Variants in CDH8 observed in about 807,000 individuals in gnomAD.
CDH8 encodes cadherin-8.
A neutral mutation model predicts 68.1 loss-of-function variants in CDH8; 17 were observed. That is an observed-to-expected ratio of 0.25 (90% CI 0.17 to 0.37). The LOEUF is 0.37. CDH8 is among the 10% of genes least tolerant of loss of function. The pLI, the probability that CDH8 is intolerant of heterozygous loss-of-function variation, is 1.00. For synonymous variants in CDH8, 372 were observed against 365.1 expected, an observed-to-expected ratio of 1.02 and a Z score of -0.21; for missense variants, 763 against 999.3, an observed-to-expected ratio of 0.76 and a Z score of 3.19.
At chr16:61,753,156 C>T (rs1364569212) in intron 8 of CDH8, among the ~76,000 whole-genome samples, 1 of 151,818 alleles carries the variant, frequency 6.6e-6, no homozygotes, top group Admixed American at 6.6e-5. Flanking sequence ...ATGAGAAAAA[C>T]ATTCATAGTA....
At chr16:61,736,234 T>A (rs752238865) in intron 8 of CDH8, among the ~76,000 whole-genome samples, 1 of 152,168 alleles carries the variant, frequency 6.6e-6, no homozygotes, top group Non-Finnish European at 1.5e-5. Context: ...CCAGAGACCA[T>A]GCCATCACCA....
intron 2 of CDH8, among the ~76,000 whole-genome samples, chr16:61,915,892 G>A (rs555872490): frequency 4.6e-5 from 7 of 152,240 alleles, no homozygotes; most frequent in Non-Finnish European, 1.5e-5. Context: ...AGGGGGTGGG[G>A]CATTTGCAGA....
chr16:61,793,432 C>T (rs1428604763), intron 7 of CDH8, among the ~76,000 whole-genome samples: 2 of 151,734 alleles, frequency 1.3e-5, no homozygotes, highest in East Asian at 1.9e-4. Flanking sequence ...CTCTAGCAGG[C>T]CCCAGTGTTC....
chr16:61,951,646 A>G (rs1197879467), intron 2 of CDH8, among the ~76,000 whole-genome samples: 1 of 151,992 alleles, frequency 6.6e-6, no homozygotes, highest in East Asian at 1.9e-4. Context: ...TTTTTTACAT[A>G]TTGCAATGGA....
chr16:61,812,112 T>C (rs566387757), intron 7 of CDH8, among the ~76,000 whole-genome samples: 1 of 152,096 alleles, frequency 6.6e-6, no homozygotes, highest in African/African-American at 2.4e-5. Flanking sequence ...CTTACAGAAA[T>C]TGAGAGTTAT....
At chr16:61,904,009 AG>A (rs1391578723) in intron 2 of CDH8, among the ~76,000 whole-genome samples, 1 of 152,148 alleles carries the variant, frequency 6.6e-6, no homozygotes, top group Non-Finnish European at 1.5e-5. Context: ...TTTCACTTTT[AG>A]CTTATCCAAG....
rs558766243 is a variant in CDH8 at position 61,749,013 on chromosome 16, A to C, written c.1415-21798T>G. 2.0e-5 allele frequency among the ~76,000 whole-genome samples: 3 copies of C among 152,214 alleles called. 1 individual carries two copies. The East Asian group carries it at 5.8e-4, about 29-fold the overall frequency. ...TCTAATACTCTTCTCTGAAGGTAAC[A>C]AATGAGCTTACTGAATACTGGCTCT... On this transcript the variant is annotated intron_variant, in intron 8 of 11. Coordinates refer to ENST00000577390, the MANE Select transcript of CDH8 (RefSeq NM_001796.5).
intron 8 of CDH8, 130 bp from the exon 9 acceptor site, chr16:61,727,345 T>TCC (rs1959404494): frequency 1.1e-6 from 1 of 915,392 alleles, no homozygotes; most frequent in Non-Finnish European, 1.7e-6. Flanking sequence ...ATGGTGATTA[T>TCC]AGAGTCTGAC....
intron 2 of CDH8, among the ~76,000 whole-genome samples, chr16:61,928,999 C>T (rs1357501645): frequency 6.6e-6 from 1 of 151,844 alleles, no homozygotes; most frequent in Admixed American, 6.6e-5. Flanking sequence ...AACTCTGCCT[C>T]CCGGGTTCAC....
intron 2 of CDH8, among the ~76,000 whole-genome samples, chr16:61,961,238 C>T (rs1965149120): frequency 1.3e-5 from 2 of 152,080 alleles, no homozygotes; most frequent in South Asian, 2.1e-4. Context: ...TCGCTTGAAC[C>T]CGGGAGGCAG....
chr16:61,782,727 T>G (rs537966544), intron 8 of CDH8, among the ~76,000 whole-genome samples: 1 of 151,908 alleles, frequency 6.6e-6, no homozygotes, highest in South Asian at 2.1e-4. Context: ...TCTCCCAGCA[T>G]GCAGCTGGAG....
chr16:61,863,569 C>T (rs191503404), intron 3 of CDH8, among the ~76,000 whole-genome samples: 4 of 152,136 alleles, frequency 2.6e-5, no homozygotes, highest in South Asian at 2.1e-4. Context: ...ATCAGGAAAA[C>T]GACAGTTTGG....
intron 2 of CDH8, among the ~76,000 whole-genome samples, chr16:62,010,982 C>A (rs1901796269): frequency 6.6e-6 from 1 of 150,928 alleles, no homozygotes; most frequent in African/African-American, 2.4e-5. Context: ...CCCCCATTTT[C>A]ATGTCCCTGG....
At chr16:61,993,615 T>C (rs887716879) in intron 2 of CDH8, among the ~76,000 whole-genome samples, 1 of 152,178 alleles carries the variant, frequency 6.6e-6, no homozygotes, top group Admixed American at 6.5e-5. Flanking sequence ...TGTCAAATAG[T>C]AATAAGAAAG....
At chr16:61,831,736 T>C (rs750890874) in intron 4 of CDH8, among the ~76,000 whole-genome samples, 19 of 151,834 alleles carry the variant, frequency 1.3e-4, no homozygotes, top group Non-Finnish European at 2.7e-4. Context: ...TGATTGACTC[T>C]TTTGTCATTT....
At chr16:61,712,484 C>A (rs886466969) in intron 10 of CDH8, among the ~76,000 whole-genome samples, 1 of 151,606 alleles carries the variant, frequency 6.6e-6, no homozygotes, top group Non-Finnish European at 1.5e-5. Context: ...CTTACTAGTT[C>A]AAAATCAGAA....
chr16:61,964,026 C>A (rs1434326565), intron 2 of CDH8, among the ~76,000 whole-genome samples: 5 of 152,138 alleles, frequency 3.3e-5, no homozygotes, highest in South Asian at 2.1e-4. Context: ...ACTTAATATC[C>A]TCAAACGGTT....
chr16:61,656,236 C>A (rs1403980924), intron 10 of CDH8, among the ~76,000 whole-genome samples: 1 of 152,136 alleles, frequency 6.6e-6, no homozygotes, highest in Admixed American at 6.6e-5. Context: ...GACCCCCTGA[C>A]GGACCAACGG....
At chr16:61,996,830 C>G (rs1183646173) in intron 2 of CDH8, among the ~76,000 whole-genome samples, 1 of 152,146 alleles carries the variant, frequency 6.6e-6, no homozygotes, top group Non-Finnish European at 1.5e-5. Flanking sequence ...ATACTCCGAC[C>G]TCACTCAGCC....
Sources: gnomAD v4.1 joint callset for allele counts (sites outside exome capture counted in the v4.1 genomes callset) on GRCh38, gnomAD v4.1.1 for gene constraint, MANE v1.5 for transcripts, NCBI Gene and HGNC (gene_info 2026-07-23, HGNC 2026-07-21) for gene names.